NLGN1: variants seen among roughly 807,000 people sequenced by gnomAD.
NLGN1 encodes the protein neuroligin-1.
Under a neutral mutation model 65.5 loss-of-function variants are expected in NLGN1, and 12 were observed. The ratio of observed to expected loss-of-function variants is 0.18; its 90% confidence interval spans 0.12 to 0.30. The LOEUF (loss-of-function observed/expected upper bound fraction) is 0.30, where lower values mean the gene tolerates loss of function less well. Ranked by LOEUF, NLGN1 falls within the 10% of genes least tolerant of loss-of-function variation. The pLI is 1.00. For missense variants in NLGN1, 750 were observed against 1,007.1 expected, an observed-to-expected ratio of 0.74 and a Z score of 3.46; for synonymous variants, 350 against 359.5, an observed-to-expected ratio of 0.97 and a Z score of 0.30.
chr3:173,629,002 A>G (rs1440274304), intron 3 of NLGN1, among the ~76,000 whole-genome samples: 2 of 63,574 alleles, frequency 3.1e-5, no homozygotes, highest in Non-Finnish European at 6.1e-5. Context: ...TACTTATCTC[A>G]GTGAGATCAG....
intron 2 of NLGN1, among the ~76,000 whole-genome samples, chr3:173,527,853 T>C (rs976820598): frequency 6.6e-6 from 1 of 152,234 alleles, no homozygotes; most frequent in Non-Finnish European, 1.5e-5. Flanking sequence ...AGGCAGCAGA[T>C]GGTTGGGTCT....
chr3:174,053,464 G>C lies in NLGN1; in HGVS notation c.647-221851G>C, dbSNP rs112093786. On this transcript the variant is annotated intron_variant, in intron 4 of 6. Coordinates refer to ENST00000457714, the Ensembl canonical transcript of NLGN1. Reference sequence around the variant, plus strand: ...TACAGTTTTGACATCATATTTAATTGATTCTGTTTTTTCAGTGGGTTTACC... The same window carrying C: ...TACAGTTTTGACATCATATTTAATTCATTCTGTTTTTTCAGTGGGTTTACC... Among the ~76,000 whole-genome samples, 1,016 of 152,034 alleles carry C rather than the reference G, an allele frequency of 6.7e-3. 12 individuals carry two copies. The highest frequency in any genetic ancestry group is 0.023 in the African/African-American group (971 of 41,516).
intron 4 of NLGN1, among the ~76,000 whole-genome samples, chr3:173,980,992 A>G (rs1718651608): frequency 1.3e-5 from 2 of 152,148 alleles, no homozygotes; most frequent in South Asian, 2.1e-4. Context: ...ATACAATTCT[A>G]CATAAAATAT....
intron 3 of NLGN1, among the ~76,000 whole-genome samples, chr3:173,778,814 G>T (rs1780703784): frequency 6.6e-6 from 1 of 151,330 alleles, no homozygotes. Context: ...AACAAATATA[G>T]AATTCTGGAT....
chr3:174,235,442 G>T (rs1271437582), intron 4 of NLGN1, among the ~76,000 whole-genome samples: 1 of 152,108 alleles, frequency 6.6e-6, no homozygotes, highest in African/African-American at 2.4e-5. Context: ...TCACACTCCA[G>T]TTCTACTCTA....
intron 4 of NLGN1, among the ~76,000 whole-genome samples, chr3:173,972,591 A>T (rs1018695873): frequency 6.6e-6 from 1 of 152,120 alleles, no homozygotes; most frequent in African/African-American, 2.4e-5. Flanking sequence ...ATGAGAAAAG[A>T]TAATGATAAA....
rs146181406 is a variant in NLGN1, at chr3:173,613,149, A to G, written c.493+8058A>G. Among the ~76,000 whole-genome samples, 393 of 152,288 alleles carry G rather than the reference A, an allele frequency of 2.6e-3. 1 individual carries two copies. The highest frequency in any genetic ancestry group is 8.5e-3 in the African/African-American group (352 of 41,562). ...GTCACATCTGAAGGTTCAGCTGGAC[A>G]TAAGTTATTGAAGGACACTAAGGAC... On this transcript the variant is annotated intron_variant, in intron 3 of 6. Transcript: ENST00000457714.
rs148825358 is a variant in NLGN1, at chr3:173,970,637, A to T, written c.646+162805A>T. 2.0e-5 allele frequency among the ~76,000 whole-genome samples: 3 copies of T among 152,298 alleles called. No individual in the cohort carries two copies. In the East Asian group the frequency reaches 5.8e-4, roughly 29 times the overall value. ...TAGATTCCAGAGCTATTAGAAGAAC[A>T]CAGTATAGCATAGTGGCTAAAAGGA... is the stretch of plus-strand genomic sequence containing the variant. On this transcript the variant is annotated intron_variant, in intron 4 of 6. Transcript: ENST00000457714.
At chr3:173,463,100 TA>T (rs1460593324) in intron 2 of NLGN1, among the ~76,000 whole-genome samples, 1 of 152,198 alleles carries the variant, frequency 6.6e-6, no homozygotes, top group East Asian at 1.9e-4. Context: ...GCTCTGAGAA[TA>T]AATCATTTGT....
At chr3:173,467,001 G>A (rs1051441591) in intron 2 of NLGN1, among the ~76,000 whole-genome samples, 1 of 151,816 alleles carries the variant, frequency 6.6e-6, no homozygotes, top group African/African-American at 2.4e-5. Context: ...AAAATAATAC[G>A]TGATCATTAT....
chr3:173,522,592 A>G (rs961980782), intron 2 of NLGN1, among the ~76,000 whole-genome samples: 14 of 128,516 alleles, frequency 1.1e-4, no homozygotes, highest in Non-Finnish European at 2.1e-4. Context: ...CACTACGCCC[A>G]GCTAATTTTT....
At chr3:173,634,241 G>A (rs1034291103) in intron 3 of NLGN1, among the ~76,000 whole-genome samples, 7 of 151,862 alleles carry the variant, frequency 4.6e-5, no homozygotes, top group Non-Finnish European at 7.4e-5. Context: ...TTTGTTAAGA[G>A]TACATATGAT....
chr3:174,173,692 T>TTGTG (rs1277725838), intron 4 of NLGN1, among the ~76,000 whole-genome samples: 2 of 151,030 alleles, frequency 1.3e-5, no homozygotes, highest in African/African-American at 2.4e-5. Context: ...TGAAGATCTT[T>TTGTG]TGTGTGTGTG....
intron 2 of NLGN1, among the ~76,000 whole-genome samples, chr3:173,479,819 T>G (rs1726935742): frequency 6.6e-6 from 1 of 152,158 alleles, no homozygotes. Flanking sequence ...TTGGTATAAT[T>G]TGAGAGAGGG....
chr3:174,102,379 C>T (rs1363509931), intron 4 of NLGN1, among the ~76,000 whole-genome samples: 1 of 151,918 alleles, frequency 6.6e-6, no homozygotes. Flanking sequence ...GATCTATTTG[C>T]TTTGACAAAT....
At chr3:174,096,279 G>T (rs1317548643) in intron 4 of NLGN1, among the ~76,000 whole-genome samples, 1 of 150,770 alleles carries the variant, frequency 6.6e-6, no homozygotes, top group Non-Finnish European at 1.5e-5. Context: ...TACTGTTATT[G>T]AGAGGAACTA....
chr3:173,797,690 C>CA (rs1484752949), intron 3 of NLGN1, among the ~76,000 whole-genome samples: 5 of 50,796 alleles, frequency 9.8e-5, no homozygotes, highest in African/African-American at 2.6e-4. Context: ...AAAACAACAA[C>CA]AACAACAACA....
intron 4 of NLGN1, among the ~76,000 whole-genome samples, chr3:173,884,185 G>T (rs371765565): frequency 7.2e-5 from 11 of 151,918 alleles, no homozygotes; most frequent in African/African-American, 2.7e-4. Context: ...GGAGTTCTCT[G>T]CTCAGTAATT....
At chr3:173,837,062 A>T (rs1037817157) in intron 4 of NLGN1, among the ~76,000 whole-genome samples, 1 of 152,180 alleles carries the variant, frequency 6.6e-6, no homozygotes, top group Non-Finnish European at 1.5e-5. Context: ...CCTGTTTTGG[A>T]ACTTTCAGAT....
Sources: allele counts gnomAD v4.1 joint callset (sites outside exome capture counted in the v4.1 genomes callset), GRCh38; gene constraint gnomAD v4.1.1; transcripts MANE v1.5; gene names NCBI Gene and HGNC (gene_info 2026-07-23, HGNC 2026-07-21).